Variants in MINK1 observed in about 807,000 individuals in gnomAD.
The protein encoded by MINK1 is misshapen like kinase 1.
Under a neutral mutation model 178.4 loss-of-function variants are expected in MINK1, and 46 were observed. The ratio of observed to expected loss-of-function variants is 0.26; its 90% CI spans 0.20 to 0.33. MINK1 has a LOEUF of 0.33. Ranked by LOEUF, MINK1 falls within the 10% of genes least tolerant of loss-of-function variation. MINK1 has a pLI of 1.00. For synonymous variants in MINK1, 797 were observed against 709.7 expected (o/e 1.12, Z -1.96); for missense variants, 1,366 against 1,814.9 (o/e 0.75, Z 4.49).
chr17:4,860,312 A>C (rs534363142), intron 1 of MINK1, among the ~76,000 whole-genome samples: 1 of 151,934 alleles, frequency 6.6e-6, no homozygotes, highest in South Asian at 2.1e-4. Flanking sequence ...CTAGATTTCC[A>C]CGTGCTGATT....
Position 4,894,595 on chromosome 17 carries a change from A to G in MINK1, c.2879A>G (p.Tyr960Cys). Reference sequence around the variant, plus strand: ...ACGATGTTTGTGGATCTAGGGATCTACCAGCCTGGAGGCAGTGGGGACAGC... The same window carrying G: ...ACGATGTTTGTGGATCTAGGGATCTGCCAGCCTGGAGGCAGTGGGGACAGC... The part of the protein sequence containing the change: ...SFTMFVDLGI[Y>C]QPGGSGDSIP... Residue 960 changes from tyrosine (Y) to cysteine (C), a missense_variant, in exon 24 of 32, where the codon TAC (tyrosine) becomes TGC (cysteine). Physicochemically the swap from Tyr to Cys is radical, Grantham distance 194. Around this residue, in one of 14 missense-constraint regions of MINK1, gnomAD observed 709 missense variants for 692.3 expected, o/e 1.02. Transcript: ENST00000355280. The surrounding 1 kb of genome is among the most constrained non-coding windows in gnomAD (Gnocchi z 4.1). 6.2e-7 allele frequency: 1 copy of G among 1,608,864 alleles called. No individual in the cohort carries two copies. The highest frequency in any genetic ancestry group is 8.5e-7 in the Non-Finnish European group (1 of 1,177,596).
intron 17 of MINK1, 62 bp from the exon 18 acceptor site, chr17:4,892,340 C>A: frequency 6.8e-7 from 1 of 1,469,786 alleles, no homozygotes; most frequent in Admixed American, 2.0e-5. Context: ...TGGGAAAGCC[C>A]CAGCCCCATC....
At chr17:4,835,497 C>T (rs1909177436) in intron 1 of MINK1, among the ~76,000 whole-genome samples, 2 of 152,158 alleles carry the variant, frequency 1.3e-5, no homozygotes, top group Non-Finnish European at 2.9e-5. Flanking sequence ...CGTGGTGGCA[C>T]ACACCTGTGA....
rs903884972 is a variant in MINK1 at position 4,887,487 on chromosome 17, A to G, written c.1020-93A>G. On this transcript the variant is annotated intron_variant, in intron 11 of 31. Transcript: ENST00000355280. The surrounding 1 kb of genome is among the most constrained non-coding windows in gnomAD (Gnocchi z 7.6). ...TGGCCAGAGGCAGAGGCTTTGATCC[A>G]GTTAAAGCACCCACTCAGGCGGGCC... 119 of 1,209,022 alleles carry G rather than the reference A, an allele frequency of 9.8e-5. 1 individual carries two copies. The highest frequency in any genetic ancestry group is 4.0e-4 in the Middle Eastern group (2 of 4,974). 74.9% of individuals were successfully genotyped at this position (1,209,022 alleles called of 1,614,324 possible). A position where few individuals can be genotyped will look rare whatever the true frequency, so the allele number is the denominator to read the frequency against.
chr17:4,858,045 GTTA>G (rs1913487240), intron 1 of MINK1, among the ~76,000 whole-genome samples: 1 of 152,084 alleles, frequency 6.6e-6, no homozygotes, highest in African/African-American at 2.4e-5. Flanking sequence ...GGGGTTTAGG[GTTA>G]GTAATCTGGT....
intron 1 of MINK1, among the ~76,000 whole-genome samples, chr17:4,861,949 A>G (rs937777287): frequency 6.6e-6 from 1 of 152,238 alleles, no homozygotes; most frequent in Non-Finnish European, 1.5e-5. Context: ...TGTGTATGTT[A>G]TAGATTCAGA....
chr17:4,855,719 G>A (rs1357144720), intron 1 of MINK1, among the ~76,000 whole-genome samples: 1 of 147,412 alleles, frequency 6.8e-6, no homozygotes, highest in Middle Eastern at 3.2e-3. Context: ...GCAGTGAGCC[G>A]AGATCGCGCC....
intron 1 of MINK1, chr17:4,851,011 G>A (rs1265692043): frequency 2.2e-5 from 10 of 458,248 alleles, no homozygotes; most frequent in Non-Finnish European, 4.0e-5. Context: ...GCCTGCCTCC[G>A]AGGCCACAGA....
rs2151072345 is a variant in MINK1 at position 4,895,356 on chromosome 17, A to G, written c.3092A>G (p.Asn1031Ser). ...CCAAGGGCTCCTGTTGCAGGGGTCA[A>G]CCTGCTGGTGGGCACGGAGAACGGG... ...EILCAALWGV[N>S]LLVGTENGLM... Residue 1031 changes from asparagine to serine, a missense_variant, in exon 26 of 32, where the codon AAC (asparagine) becomes AGC (serine). Around this residue, in one of 14 missense-constraint regions of MINK1, gnomAD observed 42 missense variants for 64.0 expected, o/e 0.66. Coordinates refer to ENST00000355280, the MANE Select transcript of MINK1 (RefSeq NM_153827.5). This position sits in a 1 kb window ranked among gnomAD's most constrained non-coding sequence, Gnocchi z 4.3. The G allele has an allele frequency of 6.2e-7, 1 of 1,604,852 alleles. No individual in the cohort carries two copies. Among genetic ancestry groups the G allele is most frequent in the Non-Finnish European group, 8.5e-7 (1 of 1,174,288 alleles).
chr17:4,857,757 C>T (rs1333600252), intron 1 of MINK1, among the ~76,000 whole-genome samples: 1 of 151,962 alleles, frequency 6.6e-6, no homozygotes, highest in African/African-American at 2.4e-5. Flanking sequence ...GGTGAGCCAC[C>T]GCGCCCAGCC....
intron 1 of MINK1, among the ~76,000 whole-genome samples, chr17:4,874,195 A>G (rs1458983488): frequency 2.6e-5 from 4 of 152,346 alleles, no homozygotes; most frequent in Admixed American, 2.6e-4. Flanking sequence ...TATATTGGTG[A>G]GCTCCCTTTT....
chr17:4,866,245 A>T (rs1197771834), intron 1 of MINK1, among the ~76,000 whole-genome samples: 4 of 152,156 alleles, frequency 2.6e-5, no homozygotes, highest in Non-Finnish European at 4.4e-5. Flanking sequence ...AGACAGATGG[A>T]TCACGAGGTC....
chr17:4,877,959 C>T (rs977338029), intron 1 of MINK1, among the ~76,000 whole-genome samples: 3 of 151,912 alleles, frequency 2.0e-5, no homozygotes, highest in Non-Finnish European at 2.9e-5. Flanking sequence ...TACAGGCGCC[C>T]GCAACCACGC....
chr17:4,841,520 G>GCC (rs1260153964), intron 1 of MINK1, among the ~76,000 whole-genome samples: 7 of 146,806 alleles, frequency 4.8e-5, no homozygotes, highest in Admixed American at 1.4e-4. Flanking sequence ...TTCCCACAAA[G>GCC]CCCCCCCTCC....
rs774521244 is a variant in MINK1 at position 4,896,529 on chromosome 17, C to T, written c.3716C>T (p.Thr1239Met). The part of the protein sequence containing the change: ...CYEDEGVYVN[T>M]YGRIIKDVVL... ...GAGGACGAGGGTGTCTACGTCAACA[C>T]GTACGGGCGCATCATTAAGGATGTG... Residue 1239 changes from threonine to methionine, a missense_variant, in exon 30 of 32, where the codon ACG becomes ATG. By Grantham distance (81) the Thr-to-Met change is moderately conservative (BLOSUM62 -1). Transcript: ENST00000355280. The surrounding 1 kb of genome is among the most constrained non-coding windows in gnomAD (Gnocchi z 4.6). 3.1e-6 allele frequency: 5 copies of T among 1,613,968 alleles called. No individual in the cohort carries two copies. Among genetic ancestry groups the T allele is most frequent in the East Asian group, 2.2e-5 (1 of 44,888 alleles).
chr17:4,862,561 G>A (rs988117061), intron 1 of MINK1, among the ~76,000 whole-genome samples: 9 of 152,034 alleles, frequency 5.9e-5, no homozygotes, highest in African/African-American at 1.9e-4. Context: ...GGCTGAGGCA[G>A]GAGAACTGCT....
intron 1 of MINK1, chr17:4,856,813 C>A (rs558668370): frequency 6.4e-6 from 1 of 156,098 alleles, no homozygotes; most frequent in South Asian, 2.0e-4. Flanking sequence ...AGACGATGAA[C>A]ACGAGGACAC....
At position 4,895,923 on chromosome 17, in the gene MINK1, C is replaced by A; in HGVS notation, c.3365-80C>A. ...CCAGGGACTTGGGGCCTGGGTGGGG[C>A]AGTGTAGTGACAGACCACGGGGAGG... On this transcript the variant is annotated intron_variant, in intron 27 of 31. Transcript: ENST00000355280. This position sits in a 1 kb window ranked among gnomAD's most constrained non-coding sequence, Gnocchi z 4.3. The A allele has an allele frequency of 6.4e-7, 1 of 1,571,914 alleles. No homozygotes were observed. Among genetic ancestry groups the A allele is most frequent in the Non-Finnish European group, 8.6e-7 (1 of 1,158,100 alleles).
intron 1 of MINK1, chr17:4,834,743 C>A (rs1318515230): frequency 1.9e-6 from 1 of 519,810 alleles, no homozygotes; most frequent in Non-Finnish European, 3.8e-6. Flanking sequence ...TCTCACCAGG[C>A]CAAGGTGTGG....
Sources: gnomAD v4.1 joint callset for allele counts (sites outside exome capture counted in the v4.1 genomes callset) on GRCh38, gnomAD v4.1.1 for gene constraint, gnomAD v4.1.1 regional missense constraint, Gnocchi (gnomAD v3.1) non-coding constraint, MANE v1.5 for transcripts, NCBI Gene and HGNC (gene_info 2026-07-23, HGNC 2026-07-21) for gene names.